Variants in NEGR1 observed in about 807,000 individuals in gnomAD.
NEGR1 encodes the protein neuronal growth regulator 1.
In NEGR1, 10 loss-of-function variants were observed where a neutral mutation model predicts 40.9. That is an observed-to-expected ratio of 0.24 (90% confidence interval 0.15 to 0.42). NEGR1 has a LOEUF of 0.42. Among genes scored for constraint, NEGR1 ranks in the 10% least tolerant of loss-of-function variants. The pLI, the probability that NEGR1 is intolerant of heterozygous loss-of-function variation, is 1.00. For synonymous variants in NEGR1, 185 were observed against 166.8 expected, an observed-to-expected ratio of 1.11 and a Z score of -0.84; for missense variants, 352 against 438.9, an observed-to-expected ratio of 0.80 and a Z score of 1.77.
chr1:71,950,844 CA>C (rs1439224317), intron 1 of NEGR1, among the ~76,000 whole-genome samples: 1 of 151,960 alleles, frequency 6.6e-6, no homozygotes, highest in Non-Finnish European at 1.5e-5. Context: ...GCTTCTGATG[CA>C]AAAGGACTAC....
At chr1:71,817,378 C>T (rs1658262202) in intron 2 of NEGR1, among the ~76,000 whole-genome samples, 1 of 152,028 alleles carries the variant, frequency 6.6e-6, no homozygotes, top group Admixed American at 6.6e-5. Flanking sequence ...CAAGTACTTC[C>T]CCACCAGGTT....
chr1:71,739,055 T>C (rs1226240523), intron 3 of NEGR1, among the ~76,000 whole-genome samples: 3 of 151,904 alleles, frequency 2.0e-5, no homozygotes, highest in East Asian at 3.9e-4. Context: ...AAATTAAAGG[T>C]TGCAATGTTC....
At chr1:71,517,445 C>G (rs1239202769) in intron 6 of NEGR1, among the ~76,000 whole-genome samples, 1 of 58,664 alleles carries the variant, frequency 1.7e-5, no homozygotes, top group Admixed American at 2.2e-4. Context: ...TAAATGTAAT[C>G]CAGCATATAA....
intron 2 of NEGR1, among the ~76,000 whole-genome samples, chr1:71,786,892 G>A (rs531236508): frequency 5.3e-4 from 81 of 152,164 alleles, no homozygotes; most frequent in Non-Finnish European, 9.8e-4. Context: ...ATTTGTTTCC[G>A]GTACTGTTCT....
intron 2 of NEGR1, among the ~76,000 whole-genome samples, chr1:71,825,329 T>C (rs1658580343): frequency 6.6e-6 from 1 of 151,988 alleles, no homozygotes; most frequent in African/African-American, 2.4e-5. Flanking sequence ...TCTATTCTCC[T>C]CTGTTTTTAA....
chr1:71,716,156 A>C (rs551056083), intron 3 of NEGR1, among the ~76,000 whole-genome samples: 1 of 152,130 alleles, frequency 6.6e-6, no homozygotes, highest in African/African-American at 2.4e-5. Flanking sequence ...GAAATGCCAG[A>C]TGTTTATAAA....
intron 4 of NEGR1, among the ~76,000 whole-genome samples, chr1:71,632,560 A>G (rs995929787): frequency 1.3e-5 from 2 of 151,028 alleles, no homozygotes; most frequent in Non-Finnish European, 3.0e-5. Flanking sequence ...ACATTATACT[A>G]TATATTTTTG....
intron 6 of NEGR1, among the ~76,000 whole-genome samples, chr1:71,416,609 A>G (rs1313603919): frequency 6.6e-6 from 1 of 152,202 alleles, no homozygotes; most frequent in Non-Finnish European, 1.5e-5. Flanking sequence ...TCTAATCATT[A>G]CCATTATATT....
chr1:71,991,184 T>G (rs1646447571), intron 1 of NEGR1, among the ~76,000 whole-genome samples: 1 of 152,152 alleles, frequency 6.6e-6, no homozygotes, highest in African/African-American at 2.4e-5. Context: ...CCTAATTAAT[T>G]TATTCACAAC....
At chr1:72,176,191 G>A (rs573517055) in intron 1 of NEGR1, among the ~76,000 whole-genome samples, 1 of 152,062 alleles carries the variant, frequency 6.6e-6, no homozygotes, top group Non-Finnish European at 1.5e-5. Context: ...GCAATGGTAT[G>A]TAGAATTTTA....
rs1418121547 is a variant in NEGR1, at chr1:71,515,668, A to G, written c.940+77149T>C. Among the ~76,000 whole-genome samples, 9 of 128,032 alleles carry G rather than the reference A, an allele frequency of 7.0e-5. No homozygotes were observed. The East Asian group carries it at 2.0e-3, about 28-fold the overall frequency. The allele number at this position is 128,032 out of a possible 152,430, so 84.0% of individuals were successfully genotyped here. ...AGACTAGGAAGAAACTGCATGAACT[A>G]ATGAGCAAAATAACCAGCTAACATC... On this transcript the variant is annotated intron_variant, in intron 6 of 6. Coordinates refer to ENST00000357731, the MANE Select transcript of NEGR1 (RefSeq NM_173808.3).
intron 1 of NEGR1, among the ~76,000 whole-genome samples, chr1:72,002,772 A>G (rs74089526): frequency 4.6e-5 from 7 of 152,296 alleles, no homozygotes; most frequent in African/African-American, 1.7e-4. Flanking sequence ...TCAAAAATGC[A>G]ATTCATTAAT....
chr1:72,235,721 T>G (rs955513256), intron 1 of NEGR1, among the ~76,000 whole-genome samples: 2 of 151,990 alleles, frequency 1.3e-5, no homozygotes, highest in Admixed American at 1.3e-4. Context: ...ATTTTATTGT[T>G]AATAGGAAGC....
chr1:71,840,543 T>G (rs1306378306), intron 2 of NEGR1, among the ~76,000 whole-genome samples: 1 of 152,110 alleles, frequency 6.6e-6, no homozygotes, highest in African/African-American at 2.4e-5. Context: ...TGATAAATGG[T>G]TTTATATTCT....
intron 3 of NEGR1, among the ~76,000 whole-genome samples, chr1:71,757,375 T>G (rs572834753): frequency 8.3e-4 from 127 of 152,156 alleles, no homozygotes; most frequent in Admixed American, 2.0e-3. Flanking sequence ...TTAATAATAA[T>G]AAGAAGAAAA....
intron 2 of NEGR1, among the ~76,000 whole-genome samples, chr1:71,846,011 A>C (rs1570425022): frequency 7.3e-6 from 1 of 136,160 alleles, no homozygotes; most frequent in African/African-American, 2.8e-5. Flanking sequence ...CTATTCTCCC[A>C]CCACAGGCTT....
At chr1:71,529,804 T>C (rs1179025326) in intron 6 of NEGR1, among the ~76,000 whole-genome samples, 1 of 151,148 alleles carries the variant, frequency 6.6e-6, no homozygotes, top group Non-Finnish European at 1.5e-5. Flanking sequence ...AAACGCCCCT[T>C]ACCTTTCAAA....
chr1:71,975,891 A>AGAG (rs1258512443), intron 1 of NEGR1, among the ~76,000 whole-genome samples: 1 of 152,222 alleles, frequency 6.6e-6, no homozygotes, highest in East Asian at 1.9e-4. Context: ...CACTTTGGGA[A>AGAG]GAGACTGTCA....
intron 1 of NEGR1, among the ~76,000 whole-genome samples, chr1:72,135,610 A>G (rs916656134): frequency 6.6e-6 from 1 of 152,028 alleles, no homozygotes; most frequent in African/African-American, 2.4e-5. Context: ...AACTTCCTTT[A>G]TTGAGAAGAA....
Sources: gnomAD v4.1 joint callset for allele counts (sites outside exome capture counted in the v4.1 genomes callset) on GRCh38, gnomAD v4.1.1 for gene constraint, MANE v1.5 for transcripts, NCBI Gene and HGNC (gene_info 2026-07-23, HGNC 2026-07-21) for gene names.